Variants in SENP6 observed in about 807,000 individuals in gnomAD.
SENP6 encodes the protein sentrin-specific protease 6.
Under a neutral mutation model 134.5 loss-of-function variants are expected in SENP6, and 41 were observed. The ratio of observed to expected loss-of-function variants is 0.30; its 90% CI spans 0.24 to 0.40. The LOEUF (loss-of-function observed/expected upper bound fraction) is 0.40, where lower values mean the gene tolerates loss of function less well. Among genes scored for constraint, SENP6 ranks in the 10% least tolerant of loss-of-function variants. The pLI is 1.00. For missense variants in SENP6, 1,248 were observed against 1,312.5 expected (o/e 0.95, Z 0.76); for synonymous variants, 395 against 429.8 (o/e 0.92, Z 1.00).
intron 3 of SENP6, among the ~76,000 whole-genome samples, chr6:75,628,252 A>T (rs955550299): frequency 2.0e-5 from 3 of 152,058 alleles, no homozygotes; most frequent in Non-Finnish European, 2.9e-5. Context: ...TATGTAATTG[A>T]AAATCTTTTT....
chr6:75,622,890 G>T, intron 2 of SENP6: 4 of 1,027,756 alleles, frequency 3.9e-6, no homozygotes, highest in South Asian at 1.5e-5. Flanking sequence ...AGTATTTTAT[G>T]GTTTTCTTTC....
At chr6:75,703,188 G>T in intron 19 of SENP6, 116 bp downstream of exon 19, 2 of 880,490 alleles carry the variant, frequency 2.3e-6, no homozygotes, top group South Asian at 3.5e-5. Flanking sequence ...GGGTGTGGTG[G>T]CTCACGCTTA....
Position 75,666,698 on chromosome 6 carries a change from T to C in SENP6, c.995-14T>C. 8.1e-7 allele frequency: 1 copy of C among 1,234,910 alleles called. No individual in the cohort carries two copies. The highest frequency in any genetic ancestry group is 1.1e-6 in the Non-Finnish European group (1 of 928,578). 76.5% of individuals were successfully genotyped at this position (1,234,910 alleles called of 1,614,324 possible). On this transcript the variant is annotated splice_polypyrimidine_tract_variant and intron_variant, in intron 9 of 23. Transcript: ENST00000447266. ...AGTTTTAATATAAATTATAAATTATTAAAATACTTTTAGTCATTTTGTCCA... is the reference window on the plus strand; with the variant it reads ...AGTTTTAATATAAATTATAAATTATCAAAATACTTTTAGTCATTTTGTCCA...
At chr6:75,625,173 G>A (rs577050652) in intron 3 of SENP6, among the ~76,000 whole-genome samples, 7 of 144,732 alleles carry the variant, frequency 4.8e-5, no homozygotes, top group East Asian at 2.1e-4. Flanking sequence ...GTGCAGTGGC[G>A]CAATCTCAGC....
At chr6:75,609,473 G>A (rs1210827173) in intron 1 of SENP6, among the ~76,000 whole-genome samples, 1 of 152,184 alleles carries the variant, frequency 6.6e-6, no homozygotes, top group Non-Finnish European at 1.5e-5. Flanking sequence ...GAAGGGGAGA[G>A]GGAGTAGATT....
At chr6:75,699,505 C>T (rs931727634) in intron 18 of SENP6, among the ~76,000 whole-genome samples, 5 of 150,998 alleles carry the variant, frequency 3.3e-5, no homozygotes, top group African/African-American at 9.7e-5. Context: ...TCTTTTTTCT[C>T]GAGATAGGGT....
chr6:75,657,954 A>C (rs1041105678), intron 7 of SENP6, among the ~76,000 whole-genome samples: 1 of 152,164 alleles, frequency 6.6e-6, no homozygotes, highest in African/African-American at 2.4e-5. Flanking sequence ...TCTGCTTGCC[A>C]AAAGATGGAA....
chr6:75,660,833 G>A (rs1370011591), intron 8 of SENP6, among the ~76,000 whole-genome samples: 1 of 152,108 alleles, frequency 6.6e-6, no homozygotes, highest in Non-Finnish European at 1.5e-5. Flanking sequence ...GTTTCACCAT[G>A]TTGGCCAGGC....
intron 15 of SENP6, 54 bp from the exon 16 acceptor site, chr6:75,678,757 T>TTG: frequency 7.3e-7 from 1 of 1,365,966 alleles, no homozygotes; most frequent in Non-Finnish European, 1.0e-6. Flanking sequence ...TACATTTCAG[T>TTG]TGTGTATATA....
rs769255313 is a variant in SENP6 at position 75,677,206 on chromosome 6, G to A, written c.1798G>A (p.Glu600Lys). ...GRLVACTRTY[E>K]ESIKGSCGQK... ...ACTTGTTGCCTGTACAAGAACCTATGAAGAGAGCATCAAAGGAAGTTGTGG... is the reference window on the plus strand; with the variant it reads ...ACTTGTTGCCTGTACAAGAACCTATAAAGAGAGCATCAAAGGAAGTTGTGG... Residue 600 changes from glutamate to lysine, a missense_variant, in exon 14 of 24, where the codon GAA becomes AAA. Transcript: ENST00000447266. 1.2e-5 allele frequency: 20 copies of A among 1,608,188 alleles called. No homozygotes were observed. In the South Asian group the frequency reaches 2.2e-4, roughly 18 times the overall value.
At chr6:75,653,614 C>G (rs979870136) in intron 7 of SENP6, among the ~76,000 whole-genome samples, 7 of 150,498 alleles carry the variant, frequency 4.7e-5, no homozygotes, top group African/African-American at 1.7e-4. Context: ...ATAAATTGCT[C>G]TAGGAATCAA....
intron 5 of SENP6, 182 bp downstream of exon 5, chr6:75,634,993 C>T: frequency 1.5e-6 from 1 of 665,302 alleles, no homozygotes; most frequent in Non-Finnish European, 2.8e-6. Context: ...TTTGAGTAAT[C>T]AGATTCTGTA....
chr6:75,632,727 T>A (rs1769207017), intron 3 of SENP6, among the ~76,000 whole-genome samples: 1 of 152,102 alleles, frequency 6.6e-6, no homozygotes, highest in Admixed American at 6.6e-5. Flanking sequence ...GATTTAAAGT[T>A]TTAGGGACTT....
chr6:75,625,997 G>C (rs574420942), intron 3 of SENP6, among the ~76,000 whole-genome samples: 6 of 152,162 alleles, frequency 3.9e-5, no homozygotes, highest in African/African-American at 1.4e-4. Context: ...TTGTTTCCTT[G>C]TTTTTGATGA....
intron 1 of SENP6, among the ~76,000 whole-genome samples, chr6:75,607,972 A>G (rs1211837151): frequency 1.3e-5 from 2 of 152,174 alleles, no homozygotes; most frequent in African/African-American, 4.8e-5. Flanking sequence ...GTTTCTGCCT[A>G]CTTAGGGGAA....
At chr6:75,624,490 C>A (rs1213538652) in intron 3 of SENP6, among the ~76,000 whole-genome samples, 1 of 151,914 alleles carries the variant, frequency 6.6e-6, no homozygotes, top group Non-Finnish European at 1.5e-5. Context: ...TTTGGCATAC[C>A]AGATTTACAC....
chr6:75,625,131 T>TC (rs397787547), intron 3 of SENP6, among the ~76,000 whole-genome samples: 8 of 149,650 alleles, frequency 5.3e-5, no homozygotes, highest in Admixed American at 2.7e-4. Flanking sequence ...TTTTTTTTTT[T>TC]CAGACGGAGT....
intron 7 of SENP6, among the ~76,000 whole-genome samples, chr6:75,652,923 GC>G (rs1250413479): frequency 2.6e-5 from 4 of 152,024 alleles, no homozygotes; most frequent in African/African-American, 9.6e-5. Flanking sequence ...ATTTATGTCT[GC>G]CCATTTATTT....
chr6:75,646,837 A>C (rs1582756672), intron 6 of SENP6: 1 of 147,478 alleles, frequency 6.8e-6, no homozygotes, highest in Non-Finnish European at 1.5e-5. Flanking sequence ...CTCCGTCTCA[A>C]AAAAAAAAAA....
Sources: allele counts gnomAD v4.1 joint callset (sites outside exome capture counted in the v4.1 genomes callset), GRCh38; gene constraint gnomAD v4.1.1; transcripts MANE v1.5; gene names NCBI Gene and HGNC (gene_info 2026-07-23, HGNC 2026-07-21).